Variants in THSD7B observed in about 807,000 individuals in gnomAD.
THSD7B encodes the protein thrombospondin type-1 domain-containing protein 7B.
In THSD7B, 138 loss-of-function variants were observed where a neutral mutation model predicts 213.6. The ratio of observed to expected loss-of-function variants is 0.65; its 90% CI spans 0.56 to 0.74. The LOEUF (loss-of-function observed/expected upper bound fraction) is 0.74. Among genes scored for constraint, THSD7B ranks in the 30% least tolerant of loss-of-function variants. The pLI is 0.00. For synonymous variants in THSD7B, 742 were observed against 687.0 expected, an observed-to-expected ratio of 1.08 and a Z score of -1.25; for missense variants, 1,931 against 1,991.5, an observed-to-expected ratio of 0.97 and a Z score of 0.58.
intron 15 of THSD7B, among the ~76,000 whole-genome samples, chr2:137,469,611 C>G (rs561533751): frequency 2.0e-5 from 3 of 152,250 alleles, no homozygotes; most frequent in Admixed American, 6.5e-5. Flanking sequence ...ACTATCACAG[C>G]TGGGGGAAAT....
chr2:137,335,508 C>T lies in THSD7B; in HGVS notation c.2500+59482C>T, dbSNP rs187818368. ...CTCTTGGAAGTAGTTTTTTTCTTAT[C>T]CACATTGAATTTTCCTCCCAAAATT... is the stretch of plus-strand genomic sequence containing the variant. On this transcript the variant is annotated intron_variant, in intron 12 of 27. Transcript: ENST00000409968. 9.2e-5 allele frequency among the ~76,000 whole-genome samples: 14 copies of T among 152,238 alleles called. No individual in the cohort carries two copies. The East Asian group carries it at 2.7e-3, about 29-fold the overall frequency.
chr2:137,592,185 CAT>C (rs149317503), intron 17 of THSD7B, among the ~76,000 whole-genome samples: 86 of 151,758 alleles, frequency 5.7e-4, no homozygotes, highest in African/African-American at 1.9e-3. Context: ...AACTTAAATA[CAT>C]ATTTCTCTGC....
intron 12 of THSD7B, among the ~76,000 whole-genome samples, chr2:137,314,765 C>G (rs1430229877): frequency 6.6e-6 from 1 of 152,140 alleles, no homozygotes; most frequent in Non-Finnish European, 1.5e-5. Context: ...AGTACTCGGC[C>G]TTGTGAGGTG....
chr2:136,966,289 C>T (rs1419638586), intron 2 of THSD7B, among the ~76,000 whole-genome samples: 1 of 151,858 alleles, frequency 6.6e-6, no homozygotes, highest in East Asian at 1.9e-4. Flanking sequence ...ATGATTTTGG[C>T]TCACTGCAGC....
At chr2:137,231,285 T>C in intron 8 of THSD7B, 50 bp downstream of exon 8, 1 of 1,502,884 alleles carries the variant, frequency 6.7e-7, no homozygotes, top group Non-Finnish European at 9.0e-7. Flanking sequence ...CCAATTATTA[T>C]CATTTTTCCT....
chr2:136,954,714 C>CAAAAAAAAAAAAA (rs11378111), intron 2 of THSD7B, among the ~76,000 whole-genome samples: 1 of 89,394 alleles, frequency 1.1e-5, no homozygotes, highest in African/African-American at 5.6e-5. Context: ...GACTCTGTCT[C>CAAAAAAAAAAAAA]AAAAAAAAAA....
chr2:137,132,368 ATT>A (rs5834534), intron 5 of THSD7B, among the ~76,000 whole-genome samples: 149 of 148,948 alleles, frequency 1.0e-3, no homozygotes, highest in African/African-American at 2.6e-3. Flanking sequence ...AGGGTATTCA[ATT>A]TTTTTTTTTT....
intron 5 of THSD7B, among the ~76,000 whole-genome samples, chr2:137,159,197 T>C (rs759308135): frequency 1.4e-4 from 22 of 152,010 alleles, no homozygotes; most frequent in Non-Finnish European, 2.4e-4. Flanking sequence ...TTTGGGAGGC[T>C]GATGAAGGCA....
intron 2 of THSD7B, among the ~76,000 whole-genome samples, chr2:137,005,276 G>A (rs1222774774): frequency 2.0e-5 from 3 of 152,212 alleles, no homozygotes; most frequent in Non-Finnish European, 4.4e-5. Flanking sequence ...TGGAAGAGTT[G>A]AAAGGTTCTG....
At chr2:137,139,356 A>T (rs6740237) in intron 5 of THSD7B, among the ~76,000 whole-genome samples, 53 of 152,122 alleles carry the variant, frequency 3.5e-4, no homozygotes, top group Non-Finnish European at 1.5e-4. Context: ...CTCTGAAAAA[A>T]AATTAGTAGT....
At chr2:137,167,582 C>T (rs1202405503) in intron 6 of THSD7B, among the ~76,000 whole-genome samples, 1 of 152,090 alleles carries the variant, frequency 6.6e-6, no homozygotes, top group Non-Finnish European at 1.5e-5. Flanking sequence ...TCTTCCATGG[C>T]TTCAATTAAA....
chr2:137,120,072 TG>T (rs1688520702), intron 5 of THSD7B, among the ~76,000 whole-genome samples: 1 of 152,126 alleles, frequency 6.6e-6, no homozygotes, highest in Non-Finnish European at 1.5e-5. Flanking sequence ...ACTGTTTAAG[TG>T]GGCTTATAGC....
At chr2:137,500,428 T>G (rs1679675484) in intron 15 of THSD7B, among the ~76,000 whole-genome samples, 1 of 152,220 alleles carries the variant, frequency 6.6e-6, no homozygotes, top group Admixed American at 6.5e-5. Context: ...CATTGCAGTT[T>G]AACATGTGCT....
chr2:136,853,102 C>T (rs557969800), intron 1 of THSD7B, among the ~76,000 whole-genome samples: 3 of 151,910 alleles, frequency 2.0e-5, no homozygotes, highest in Admixed American at 2.0e-4. Context: ...GAATACTCTA[C>T]TGTTTCCCAC....
chr2:137,175,432 C>T (rs1680340778), intron 7 of THSD7B, among the ~76,000 whole-genome samples: 1 of 152,182 alleles, frequency 6.6e-6, no homozygotes, highest in South Asian at 2.1e-4. Context: ...TAGAGTTCTG[C>T]AGTGTTGCCA....
chr2:136,768,775 T>C (rs1319366176), intron 1 of THSD7B, among the ~76,000 whole-genome samples: 6 of 152,218 alleles, frequency 3.9e-5, no homozygotes, highest in African/African-American at 1.4e-4. Flanking sequence ...GGATTGCACA[T>C]AAGTGCTTCA....
intron 15 of THSD7B, among the ~76,000 whole-genome samples, chr2:137,526,989 C>T (rs1169007078): frequency 6.6e-6 from 1 of 152,018 alleles, no homozygotes; most frequent in Non-Finnish European, 1.5e-5. Context: ...GGAGATAAGT[C>T]AGCAAAACCT....
intron 21 of THSD7B, 100 bp from the exon 22 acceptor site, chr2:137,655,401 A>T: frequency 7.6e-7 from 1 of 1,319,944 alleles, no homozygotes; most frequent in Non-Finnish European, 1.0e-6. Context: ...AAGCTACGAA[A>T]ATATGCAACT....
chr2:137,118,269 A>G (rs1472424145), intron 5 of THSD7B, among the ~76,000 whole-genome samples: 1 of 152,204 alleles, frequency 6.6e-6, no homozygotes, highest in African/African-American at 2.4e-5. Flanking sequence ...GCCTTTTCTC[A>G]AATAAAATTA....
Sources: allele counts gnomAD v4.1 joint callset (sites outside exome capture counted in the v4.1 genomes callset), GRCh38; gene constraint gnomAD v4.1.1; transcripts MANE v1.5; gene names NCBI Gene and HGNC (gene_info 2026-07-23, HGNC 2026-07-21).